Variants in ELMO1 observed in about 807,000 individuals in gnomAD.
The protein encoded by ELMO1 is engulfment and cell motility 1.
ELMO1 carries 26 observed loss-of-function variants against 98.9 expected under a neutral mutation model. The ratio of observed to expected loss-of-function variants is 0.26; its 90% confidence interval spans 0.19 to 0.36. The LOEUF (loss-of-function observed/expected upper bound fraction) is 0.36. Ranked by LOEUF, ELMO1 falls within the 10% of genes least tolerant of loss-of-function variation. The probability of loss-of-function intolerance (pLI) is 1.00; values close to 1 mark genes in which losing one functional copy is unlikely to be tolerated. For synonymous variants in ELMO1, 346 were observed against 346.0 expected (o/e 1.00, Z 0.00); for missense variants, 627 against 935.2 (o/e 0.67, Z 4.30).
chr7:36,889,359 C>T (rs7799004), intron 17 of ELMO1, among the ~76,000 whole-genome samples: 113,220 of 152,084 alleles, frequency 0.74, 42,586 homozygotes, highest in Non-Finnish European at 0.81. Flanking sequence ...CTTAGCTCTA[C>T]CTAAAATGGA....
intron 16 of ELMO1, among the ~76,000 whole-genome samples, chr7:36,932,945 GCGGA>G (rs1220382420): frequency 6.6e-6 from 1 of 152,222 alleles, no homozygotes; most frequent in African/African-American, 2.4e-5. Context: ...GAGACAGTGG[GCGGA>G]TGCCTTCCCA....
At chr7:37,412,314 C>A (rs1178704965) in intron 1 of ELMO1, among the ~76,000 whole-genome samples, 4 of 152,244 alleles carry the variant, frequency 2.6e-5, no homozygotes, top group African/African-American at 9.6e-5. Flanking sequence ...CTCCTGGACA[C>A]TGAGGAAAGG....
chr7:36,855,430 A>AGC lies in ELMO1; in HGVS notation c.*120_*121insGC. ...AGGGCTAGAGGTGATGCTGAAGGGAATGTGGACCCACAGCTTCCCTTTACC... is the reference window on the plus strand; with the variant it reads ...AGGGCTAGAGGTGATGCTGAAGGGAAGCTGTGGACCCACAGCTTCCCTTTACC... On this transcript the variant is annotated 3_prime_UTR_variant, in exon 22 of 22. Coordinates refer to ENST00000310758, the MANE Select transcript of ELMO1 (RefSeq NM_014800.11). The surrounding 1 kb of genome is among the most constrained non-coding windows in gnomAD (Gnocchi z 4.2). 7.9e-7 allele frequency: 1 copy of AGC among 1,259,030 alleles called. No individual in the cohort carries two copies. The highest frequency in any genetic ancestry group is 2.3e-5 in the East Asian group (1 of 42,818). The allele number at this position is 1,259,030 out of a possible 1,614,324, so 78.0% of individuals were successfully genotyped here. A position where few individuals can be genotyped will look rare whatever the true frequency, so the allele number is the denominator to read the frequency against.
chr7:37,204,961 C>G (rs1385613339), intron 13 of ELMO1, among the ~76,000 whole-genome samples: 1 of 152,064 alleles, frequency 6.6e-6, no homozygotes, highest in Non-Finnish European at 1.5e-5. Context: ...TAGACACAGA[C>G]AGCTGATTGG....
intron 16 of ELMO1, among the ~76,000 whole-genome samples, chr7:36,995,603 A>G (rs994783726): frequency 1.3e-5 from 2 of 152,164 alleles, no homozygotes; most frequent in African/African-American, 4.8e-5. Context: ...AATATACTAC[A>G]AAACATGTTT....
intron 1 of ELMO1, among the ~76,000 whole-genome samples, chr7:37,421,498 A>G (rs1257875710): frequency 6.6e-6 from 1 of 152,214 alleles, no homozygotes; most frequent in Non-Finnish European, 1.5e-5. Flanking sequence ...GGCCACGATT[A>G]AAGTTCTCAC....
chr7:37,446,789 C>G (rs1805636853), intron 1 of ELMO1, among the ~76,000 whole-genome samples: 2 of 152,128 alleles, frequency 1.3e-5, no homozygotes, highest in South Asian at 4.1e-4. Flanking sequence ...CCCCAAGAGT[C>G]CCAGCAGTCC....
chr7:37,317,384 T>G (rs1383598132), intron 2 of ELMO1, among the ~76,000 whole-genome samples: 2 of 152,172 alleles, frequency 1.3e-5, no homozygotes, highest in African/African-American at 4.8e-5. Context: ...AGGTGTTTGT[T>G]GCAGCACTAT....
chr7:37,089,700 G>A (rs919567855), intron 15 of ELMO1, among the ~76,000 whole-genome samples: 5 of 152,200 alleles, frequency 3.3e-5, no homozygotes, highest in African/African-American at 1.2e-4. Flanking sequence ...CAAAATGACA[G>A]AGGACTGTAA....
chr7:37,273,976 T>C (rs1796697987), intron 4 of ELMO1, among the ~76,000 whole-genome samples: 2 of 152,158 alleles, frequency 1.3e-5, no homozygotes, highest in Non-Finnish European at 1.5e-5. Flanking sequence ...TCTGAACATT[T>C]CACACCAAGT....
chr7:37,294,305 C>T (rs1015717902), intron 4 of ELMO1, among the ~76,000 whole-genome samples: 7 of 151,126 alleles, frequency 4.6e-5, no homozygotes, highest in African/African-American at 1.2e-4. Flanking sequence ...TGCAGTGAGC[C>T]GAGATCCTGC....
intron 19 of ELMO1, among the ~76,000 whole-genome samples, chr7:36,875,558 T>C (rs1803885077): frequency 2.6e-5 from 4 of 152,216 alleles, no homozygotes; most frequent in Admixed American, 2.6e-4. Flanking sequence ...TTTGGAGGCA[T>C]GGTCAGGAGG....
intron 16 of ELMO1, among the ~76,000 whole-genome samples, chr7:36,902,415 T>G (rs954177556): frequency 5.3e-5 from 8 of 152,188 alleles, no homozygotes; most frequent in Admixed American, 5.2e-4. Context: ...AGACCTAATT[T>G]AGAGCCAAAG....
At chr7:37,001,311 T>C (rs2129162265) in intron 16 of ELMO1, among the ~76,000 whole-genome samples, 1 of 152,292 alleles carries the variant, frequency 6.6e-6, no homozygotes, top group African/African-American at 2.4e-5. Flanking sequence ...AGACGGTGTA[T>C]ATGAATTCAG....
intron 4 of ELMO1, among the ~76,000 whole-genome samples, chr7:37,283,049 T>TAA (rs1584915110): frequency 1.3e-5 from 2 of 152,244 alleles, no homozygotes; most frequent in East Asian, 3.9e-4. Context: ...CAATAAATGG[T>TAA]TTGCTCTCTC....
intron 7 of ELMO1, among the ~76,000 whole-genome samples, chr7:37,235,074 A>C (rs985832088): frequency 6.6e-6 from 1 of 152,214 alleles, no homozygotes; most frequent in African/African-American, 2.4e-5. Context: ...AAGAAATTCC[A>C]AACCAGACAA....
intron 4 of ELMO1, among the ~76,000 whole-genome samples, chr7:37,272,139 G>C (rs1248571826): frequency 6.6e-6 from 1 of 152,152 alleles, no homozygotes; most frequent in Non-Finnish European, 1.5e-5. Flanking sequence ...AGGTTATTAA[G>C]GGCATATGAC....
At chr7:37,036,474 A>G (rs760274883) in intron 15 of ELMO1, among the ~76,000 whole-genome samples, 1 of 152,168 alleles carries the variant, frequency 6.6e-6, no homozygotes, top group Non-Finnish European at 1.5e-5. Context: ...GGCTCAAGCA[A>G]TCCTCCCACC....
At chr7:37,144,681 G>A (rs900479677) in intron 13 of ELMO1, among the ~76,000 whole-genome samples, 2 of 152,144 alleles carry the variant, frequency 1.3e-5, no homozygotes, top group Non-Finnish European at 2.9e-5. Context: ...TCAGCCCCTA[G>A]AGAAAGGGGA....
Sources: allele counts gnomAD v4.1 joint callset (sites outside exome capture counted in the v4.1 genomes callset), GRCh38; gene constraint gnomAD v4.1.1; non-coding constraint Gnocchi (gnomAD v3.1); transcripts MANE v1.5; gene names NCBI Gene and HGNC (gene_info 2026-07-23, HGNC 2026-07-21).